PPP1R12C: variants seen among roughly 807,000 people sequenced by gnomAD.
The protein encoded by PPP1R12C is protein phosphatase 1 regulatory subunit 12C, also known as leukocyte receptor cluster (LRC) encoded novel gene 3.
Under a neutral mutation model 95.6 loss-of-function variants are expected in PPP1R12C, and 48 were observed. The ratio of observed to expected loss-of-function variants is 0.50; its 90% CI spans 0.40 to 0.64. PPP1R12C has a LOEUF of 0.64. Ranked by LOEUF, PPP1R12C falls within the 30% of genes least tolerant of loss-of-function variation. The probability of loss-of-function intolerance (pLI) is 0.00; values close to 1 mark genes in which losing one functional copy is unlikely to be tolerated. For missense variants in PPP1R12C, 1,057 were observed against 1,083.3 expected (o/e 0.98, Z 0.34); for synonymous variants, 480 against 460.8 (o/e 1.04, Z -0.53).
chr19:55,108,249 T>G (rs1224651819), intron 3 of PPP1R12C, among the ~76,000 whole-genome samples: 2 of 152,136 alleles, frequency 1.3e-5, no homozygotes, highest in African/African-American at 4.8e-5. Flanking sequence ...ATTTACCATT[T>G]TAACCCCAAT....
chr19:55,091,595 G>A (rs750733490), intron 21 of PPP1R12C, 37 bp from the exon 22 acceptor site: 18 of 1,610,158 alleles, frequency 1.1e-5, no homozygotes, highest in Middle Eastern at 1.7e-4. Flanking sequence ...CAGCCCTGGC[G>A]GGTTGCACCC....
chr19:55,091,485 T>C lies in PPP1R12C; in HGVS notation c.2336A>G (p.Lys779Arg), dbSNP rs1568802592. 1 of 1,614,008 alleles carries C rather than the reference T, an allele frequency of 6.2e-7. No individual in the cohort carries two copies. Among genetic ancestry groups the C allele is most frequent in the African/African-American group, 1.3e-5 (1 of 75,060 alleles). Residue 779 changes from lysine to arginine, a missense_variant, in exon 22 of 22, where the codon AAA becomes AGA. Lys to Arg is a conservative substitution (Grantham distance 26). Around this residue, in one of 5 missense-constraint regions of PPP1R12C, gnomAD observed 347 missense variants for 307.9 expected, o/e 1.13. Coordinates refer to ENST00000263433, the MANE Select transcript of PPP1R12C (RefSeq NM_017607.4). Reference protein sequence around the residue: ...ENAALIRVISKLSK With the variant: ...ENAALIRVISRLSK ...AGTCCCTCCGGGTCACTTGGAGAGT[T>C]TGCTGATGACGCGGATCAACGCTGC... is the stretch of plus-strand genomic sequence containing the variant.
chr19:55,105,621 T>C (rs1336037643), intron 3 of PPP1R12C, among the ~76,000 whole-genome samples: 1 of 152,176 alleles, frequency 6.6e-6, no homozygotes, highest in Non-Finnish European at 1.5e-5. Context: ...CTGAGCTTTT[T>C]CATGATCCCA....
rs147079948 is a variant in PPP1R12C, at chr19:55,099,943, G to A, written c.732-848C>T. On this transcript the variant is annotated intron_variant, in intron 4 of 21. Transcript: ENST00000263433. ...AAGTGGGAACAGATGGACAGCCTGGGATATTCTACAAAGAGGCCTTATAAG... is the reference window on the plus strand; with the variant it reads ...AAGTGGGAACAGATGGACAGCCTGGAATATTCTACAAAGAGGCCTTATAAG... 2.0e-3 allele frequency among the ~76,000 whole-genome samples: 307 copies of A among 152,292 alleles called. 2 individuals carry two copies. The highest frequency in any genetic ancestry group is 7.2e-3 in the African/African-American group (300 of 41,560).
chr19:55,092,897 C>A lies in PPP1R12C; in HGVS notation c.1826-29G>T, dbSNP rs768945307. The A allele has an allele frequency of 5.6e-6, 9 of 1,602,940 alleles. No homozygotes were observed. In the Admixed American group the frequency reaches 1.0e-4, roughly 18 times the overall value. On this transcript the variant is annotated intron_variant, in intron 15 of 21. Transcript: ENST00000263433. ...GGGGAGGGGCAGGAATCAGCCCAGGCACCTCCAGAGCCCCCTCTCGGTGCC... is the reference window on the plus strand; with the variant it reads ...GGGGAGGGGCAGGAATCAGCCCAGGAACCTCCAGAGCCCCCTCTCGGTGCC...
In PPP1R12C at chr19:55,095,597, C is replaced by T; in HGVS notation, c.1234G>A (p.Glu412Lys). 2.6e-6 allele frequency: 4 copies of T among 1,561,754 alleles called. No individual in the cohort carries two copies. Among genetic ancestry groups the T allele is most frequent in the Non-Finnish European group, 3.5e-6 (4 of 1,158,248 alleles). ...AAGCGCCTGGAGAAGGGGGCCTCTT[C>T]AAGCTGCTGGGAGAAGGAGGAGGTC... Reference protein sequence around the residue: ...HPSPKSPVQLEEAPFSRRFGL... With the variant: ...HPSPKSPVQLKEAPFSRRFGL... The change falls in exon 10 of 22, where the codon GAA becomes AAA. Residue 412 changes from glutamate to lysine, a missense_variant. Around this residue, in one of 5 missense-constraint regions of PPP1R12C, gnomAD observed 356 missense variants for 330.5 expected, o/e 1.08. Transcript: ENST00000263433.
intron 3 of PPP1R12C, among the ~76,000 whole-genome samples, chr19:55,110,891 G>A (rs1006389854): frequency 6.6e-6 from 1 of 151,344 alleles, no homozygotes; most frequent in Admixed American, 6.6e-5. Context: ...AAAGGCTCAG[G>A]AATGGAAAGG....
chr19:55,098,730 G>T, intron 6 of PPP1R12C, 54 bp downstream of exon 6: 1 of 1,603,020 alleles, frequency 6.2e-7, no homozygotes, highest in Admixed American at 1.7e-5. Flanking sequence ...CCTCCTCTGA[G>T]GAGCTGAGGG....
intron 4 of PPP1R12C, among the ~76,000 whole-genome samples, chr19:55,099,365 C>T (rs1483250494): frequency 1.3e-5 from 2 of 152,192 alleles, no homozygotes; most frequent in African/African-American, 4.8e-5. Flanking sequence ...AGGGGGTCAC[C>T]CTGGCTGTGG....
intron 1 of PPP1R12C, 63 bp from the exon 2 acceptor site, chr19:55,112,858 A>T (rs528617766): frequency 2.1e-5 from 34 of 1,597,074 alleles, no homozygotes; most frequent in Non-Finnish European, 2.7e-5. Context: ...GCAAGTCGGG[A>T]CTCCAGAGGG....
At chr19:55,102,773 CCGACTTA>C (rs1387088426) in intron 4 of PPP1R12C, among the ~76,000 whole-genome samples, 1 of 152,174 alleles carries the variant, frequency 6.6e-6, no homozygotes, top group Non-Finnish European at 1.5e-5. Context: ...CCATTCTTTT[CCGACTTA>C]CATGTACTGG....
chr19:55,091,523 G>A lies in PPP1R12C; in HGVS notation c.2298C>T (p.Leu766=), dbSNP rs148545697. 2 of 1,613,968 alleles carry A rather than the reference G, an allele frequency of 1.2e-6. No individual in the cohort carries two copies. The highest frequency in any genetic ancestry group is 1.7e-5 in the Admixed American group (1 of 60,016). ...LSDLRADNQR[L]KDENAALIRV... ...GGATCAACGCTGCATTCTCATCCTT[G>A]AGGCGCTGGTTGTCAGCGCGGAGGT... Residue 766 remains leucine, a synonymous_variant, in exon 22 of 22, where the codon CTC becomes CTT. Transcript: ENST00000263433.
chr19:55,105,679 G>A (rs2085030778), intron 3 of PPP1R12C, among the ~76,000 whole-genome samples: 1 of 152,134 alleles, frequency 6.6e-6, no homozygotes, highest in African/African-American at 2.4e-5. Context: ...AGGCACCATG[G>A]CTCATGCCTG....
intron 3 of PPP1R12C, among the ~76,000 whole-genome samples, chr19:55,108,456 C>G (rs1485841329): frequency 6.6e-6 from 1 of 151,942 alleles, no homozygotes; most frequent in Non-Finnish European, 1.5e-5. Flanking sequence ...TGGTGAAACC[C>G]CGTCTCCACA....
At position 55,091,974 on chromosome 19, in the gene PPP1R12C, G is replaced by A. The variant is rs528155589; in HGVS notation, c.2161-65C>T. Reference sequence around the variant, plus strand: ...GCCAGCACTGCTCTGAAGGGTCCTAGGCTCCTGCTGGGCACCCGCCCGCCC... The same window carrying A: ...GCCAGCACTGCTCTGAAGGGTCCTAAGCTCCTGCTGGGCACCCGCCCGCCC... On this transcript the variant is annotated intron_variant, in intron 19 of 21. Transcript: ENST00000263433. The A allele has an allele frequency of 6.4e-5, 101 of 1,582,448 alleles. No individual in the cohort carries two copies. In the Admixed American group the frequency reaches 1.7e-3, roughly 26 times the overall value.
In PPP1R12C at chr19:55,098,644, G is replaced by A; in HGVS notation, c.951+140C>T. The A allele has an allele frequency of 3.8e-6, 4 of 1,042,656 alleles. No individual in the cohort carries two copies. In the South Asian group the frequency reaches 4.4e-5, roughly 12 times the overall value. 64.6% of individuals were successfully genotyped at this position (1,042,656 alleles called of 1,614,324 possible). A position where few individuals can be genotyped will look rare whatever the true frequency, so the allele number is the denominator to read the frequency against. On this transcript the variant is annotated intron_variant, in intron 6 of 21. Coordinates refer to ENST00000263433, the MANE Select transcript of PPP1R12C (RefSeq NM_017607.4). The stretch of plus-strand genomic sequence containing the variant: ...GGTCTCTCCTGAGGCTGGGGCTGGG[G>A]CTGGGTCACCAAGAGGGAAATAGCA...
chr19:55,106,111 G>A (rs1036259493), intron 3 of PPP1R12C, among the ~76,000 whole-genome samples: 41 of 152,054 alleles, frequency 2.7e-4, no homozygotes, highest in African/African-American at 9.2e-4. Flanking sequence ...GCAGTCTCCC[G>A]CTCCACAGCA....
At position 55,091,306 on chromosome 19, in the gene PPP1R12C, C is replaced by T; in HGVS notation, c.*166G>A. The stretch of plus-strand genomic sequence containing the variant: ...CCTCCATCCTGGCCTCGGGTGGCCC[C>T]CTCGGCTCCTGGGGACTCTGCTCCC... On this transcript the variant is annotated 3_prime_UTR_variant, in exon 22 of 22. Transcript: ENST00000263433. The T allele has an allele frequency of 1.4e-6, 1 of 740,046 alleles. No homozygotes were observed. Among genetic ancestry groups the T allele is most frequent in the Non-Finnish European group, 2.2e-6 (1 of 461,838 alleles). The allele number at this position is 740,046 out of a possible 1,614,324, so 45.8% of individuals were successfully genotyped here. A position where few individuals can be genotyped will look rare whatever the true frequency, so the allele number is the denominator to read the frequency against.
rs1257353342 is a variant in PPP1R12C at position 55,091,200 on chromosome 19, C to G, written c.*272G>C. 1.9e-6 allele frequency: 1 copy of G among 515,398 alleles called. No homozygotes were observed. The highest frequency in any genetic ancestry group is 3.5e-6 in the Non-Finnish European group (1 of 284,658). 31.9% of individuals were successfully genotyped at this position (515,398 alleles called of 1,614,324 possible). On this transcript the variant is annotated 3_prime_UTR_variant, in exon 22 of 22. Transcript: ENST00000263433. ...GTCCTGGCTACTGATCCTTGCACTTCTTGGTCCTCAGTTCCTTCCTGGTCC... is the reference window on the plus strand; with the variant it reads ...GTCCTGGCTACTGATCCTTGCACTTGTTGGTCCTCAGTTCCTTCCTGGTCC...
Sources: gnomAD v4.1 joint callset for allele counts (sites outside exome capture counted in the v4.1 genomes callset) on GRCh38, gnomAD v4.1.1 for gene constraint, gnomAD v4.1.1 regional missense constraint, MANE v1.5 for transcripts, NCBI Gene and HGNC (gene_info 2026-07-23, HGNC 2026-07-21) for gene names.